INPP4B: variants seen among roughly 807,000 people sequenced by gnomAD.
INPP4B encodes the protein inositol polyphosphate-4-phosphatase type II B, also known as inositol polyphosphate 4-phosphatase type II.
A neutral mutation model predicts 122.5 loss-of-function variants in INPP4B; 55 were observed. The ratio of observed to expected loss-of-function variants is 0.45; its 90% CI spans 0.36 to 0.56. The LOEUF (loss-of-function observed/expected upper bound fraction) is 0.56. Among genes scored for constraint, INPP4B ranks in the 20% least tolerant of loss-of-function variants. INPP4B has a pLI of 0.00. For missense variants in INPP4B, 1,000 were observed against 1,097.7 expected (o/e 0.91, Z 1.26); for synonymous variants, 403 against 388.7 (o/e 1.04, Z -0.43).
intron 5 of INPP4B, chr4:142,427,559 A>G: frequency 1.9e-6 from 1 of 536,136 alleles, no homozygotes; most frequent in Non-Finnish European, 3.3e-6. Flanking sequence ...TCTTTGAACA[A>G]GATAGATTCT....
intron 1 of INPP4B, among the ~76,000 whole-genome samples, chr4:142,788,681 A>G (rs1776096963): frequency 6.6e-6 from 1 of 152,014 alleles, no homozygotes; most frequent in Admixed American, 6.6e-5. Context: ...TCGCATGCTC[A>G]TAGCTTAGCT....
At chr4:142,123,446 C>T (rs2152754275) in intron 19 of INPP4B, 31 bp from the exon 20 acceptor site, 1 of 1,600,384 alleles carries the variant, frequency 6.2e-7, no homozygotes, top group Non-Finnish European at 8.5e-7. Context: ...AGATTTACTG[C>T]AGTTAGCAAA....
chr4:142,286,522 G>A (rs1037661517), intron 9 of INPP4B, among the ~76,000 whole-genome samples: 4 of 152,038 alleles, frequency 2.6e-5, no homozygotes, highest in Non-Finnish European at 5.9e-5. Flanking sequence ...TTAAATAAAA[G>A]GTTTACTTGT....
At chr4:142,753,320 C>G (rs1293859378) in intron 1 of INPP4B, among the ~76,000 whole-genome samples, 1 of 152,086 alleles carries the variant, frequency 6.6e-6, no homozygotes, top group Non-Finnish European at 1.5e-5. Flanking sequence ...ATGTCTTTCT[C>G]ATTCTCGTTA....
intron 2 of INPP4B, among the ~76,000 whole-genome samples, chr4:142,508,375 T>C (rs1824284767): frequency 6.6e-6 from 1 of 152,072 alleles, no homozygotes; most frequent in African/African-American, 2.4e-5. Context: ...CAGATTCAAG[T>C]GATTCTCCTG....
At chr4:142,261,156 G>A (rs756315144) in intron 10 of INPP4B, among the ~76,000 whole-genome samples, 1 of 152,174 alleles carries the variant, frequency 6.6e-6, no homozygotes, top group African/African-American at 2.4e-5. Flanking sequence ...AACAGAAAGA[G>A]AGAAGAGATA....
intron 2 of INPP4B, among the ~76,000 whole-genome samples, chr4:142,589,363 C>A (rs1166016492): frequency 6.6e-6 from 1 of 151,938 alleles, no homozygotes. Context: ...AGACAAGACA[C>A]AGACTAGAAT....
intron 2 of INPP4B, among the ~76,000 whole-genome samples, chr4:142,562,053 A>C (rs1730593493): frequency 6.6e-6 from 1 of 152,072 alleles, no homozygotes; most frequent in South Asian, 2.1e-4. Flanking sequence ...GGAAAAGCGA[A>C]ATTTTATAAA....
chr4:142,565,415 T>TTA (rs1355567515), intron 2 of INPP4B, among the ~76,000 whole-genome samples: 1 of 152,214 alleles, frequency 6.6e-6, no homozygotes, highest in East Asian at 1.9e-4. Context: ...TCATAAGGGA[T>TTA]TATAACCTGT....
intron 2 of INPP4B, among the ~76,000 whole-genome samples, chr4:142,651,053 C>A (rs903779136): frequency 2.0e-5 from 3 of 152,196 alleles, no homozygotes; most frequent in Admixed American, 2.0e-4. Flanking sequence ...AATTAGAACT[C>A]AGGATTCAGA....
intron 2 of INPP4B, among the ~76,000 whole-genome samples, chr4:142,708,381 G>A (rs1762704211): frequency 6.6e-6 from 1 of 152,086 alleles, no homozygotes; most frequent in Admixed American, 6.5e-5. Flanking sequence ...CCAGACAATG[G>A]GGAAAATGCC....
intron 2 of INPP4B, among the ~76,000 whole-genome samples, chr4:142,627,153 C>T (rs575419198): frequency 2.6e-5 from 4 of 152,238 alleles, no homozygotes; most frequent in Admixed American, 2.6e-4. Context: ...AACTGCACCA[C>T]CTTAAGAATT....
At chr4:142,454,371 C>T (rs1245792574) in intron 3 of INPP4B, among the ~76,000 whole-genome samples, 3 of 152,080 alleles carry the variant, frequency 2.0e-5, no homozygotes, top group African/African-American at 2.4e-5. Context: ...TGCATACCTC[C>T]CTATGCACCC....
chr4:142,792,372 G>A (rs56254574), intron 1 of INPP4B, among the ~76,000 whole-genome samples: 10,187 of 152,002 alleles, frequency 0.067, 565 homozygotes, highest in African/African-American at 0.15. Flanking sequence ...ATATTTCTCA[G>A]TGAATATTAA....
intron 23 of INPP4B, among the ~76,000 whole-genome samples, chr4:142,098,799 A>G (rs1227589633): frequency 6.6e-6 from 1 of 152,072 alleles, no homozygotes; most frequent in African/African-American, 2.4e-5. Context: ...CAAGAGTTTA[A>G]GGAAGAGAGA....
intron 2 of INPP4B, among the ~76,000 whole-genome samples, chr4:142,608,852 A>C (rs999226858): frequency 5.9e-5 from 9 of 152,060 alleles, no homozygotes; most frequent in African/African-American, 2.2e-4. Flanking sequence ...TACTAACTTC[A>C]AACACACACT....
At chr4:142,125,215 G>T (rs930011348) in intron 18 of INPP4B, among the ~76,000 whole-genome samples, 1 of 151,642 alleles carries the variant, frequency 6.6e-6, no homozygotes, top group African/African-American at 2.4e-5. Flanking sequence ...GCTCTCCCTT[G>T]GATTACTTCC....
intron 2 of INPP4B, chr4:142,654,365 T>TAC (rs1395387133): frequency 7.9e-5 from 2 of 25,292 alleles, no homozygotes; most frequent in Non-Finnish European, 1.6e-4. Context: ...GAACTTAAAG[T>TAC]ATAAAAAAAA....
At chr4:142,376,962 G>A (rs1052004317) in intron 7 of INPP4B, among the ~76,000 whole-genome samples, 4 of 151,878 alleles carry the variant, frequency 2.6e-5, no homozygotes, top group South Asian at 2.1e-4. Flanking sequence ...GTCACAAATC[G>A]AGTTAACACT....
Sources: allele counts gnomAD v4.1 joint callset (sites outside exome capture counted in the v4.1 genomes callset), GRCh38; gene constraint gnomAD v4.1.1; transcripts MANE v1.5; gene names NCBI Gene and HGNC (gene_info 2026-07-23, HGNC 2026-07-21).